KCNQ3: variants seen among roughly 807,000 people sequenced by gnomAD.
KCNQ3 encodes the protein potassium voltage-gated channel subfamily Q member 3.
A neutral mutation model predicts 92.5 loss-of-function variants in KCNQ3; 30 were observed. That is an observed-to-expected ratio of 0.32 (90% CI 0.24 to 0.44). KCNQ3 has a LOEUF of 0.44. KCNQ3 is among the 20% of genes least tolerant of loss of function. The pLI is 1.00. For missense variants in KCNQ3, 913 were observed against 1,140.3 expected, an observed-to-expected ratio of 0.80 and a Z score of 2.87; for synonymous variants, 450 against 468.8, an observed-to-expected ratio of 0.96 and a Z score of 0.52.
At chr8:132,444,503 G>A (rs897758365) in intron 1 of KCNQ3, among the ~76,000 whole-genome samples, 1 of 152,218 alleles carries the variant, frequency 6.6e-6, no homozygotes, top group Non-Finnish European at 1.5e-5. Flanking sequence ...TTGCAGCCCA[G>A]CAGCTGGGAC....
chr8:132,189,411 T>C (rs1193378967), intron 1 of KCNQ3, among the ~76,000 whole-genome samples: 5 of 152,230 alleles, frequency 3.3e-5, no homozygotes, highest in Non-Finnish European at 5.9e-5. Context: ...TCCCAACACC[T>C]GACAATAGGA....
chr8:132,298,170 A>T (rs1482420906), intron 1 of KCNQ3, among the ~76,000 whole-genome samples: 1 of 152,184 alleles, frequency 6.6e-6, no homozygotes. Flanking sequence ...CAACCATCCC[A>T]GTTTGCCTGG....
intron 1 of KCNQ3, among the ~76,000 whole-genome samples, chr8:132,299,836 G>A (rs1262118097): frequency 6.6e-6 from 1 of 152,124 alleles, no homozygotes; most frequent in Non-Finnish European, 1.5e-5. Flanking sequence ...TTTAAATTCT[G>A]TTTATAAGGT....
At chr8:132,204,134 G>C (rs1813570935) in intron 1 of KCNQ3, among the ~76,000 whole-genome samples, 1 of 152,194 alleles carries the variant, frequency 6.6e-6, no homozygotes, top group Admixed American at 6.5e-5. Flanking sequence ...GTGCATCTTA[G>C]AACTGATGAA....
At chr8:132,331,955 T>C (rs1448609549) in intron 1 of KCNQ3, among the ~76,000 whole-genome samples, 2 of 152,188 alleles carry the variant, frequency 1.3e-5, no homozygotes. Flanking sequence ...GTCTCTAAGA[T>C]GCTCTGATCA....
At chr8:132,304,416 T>G (rs547010811) in intron 1 of KCNQ3, among the ~76,000 whole-genome samples, 1 of 152,288 alleles carries the variant, frequency 6.6e-6, no homozygotes, top group South Asian at 2.1e-4. Flanking sequence ...TAATAACCAT[T>G]GTAATTGGTG....
At chr8:132,469,925 C>T (rs1190413463) in intron 1 of KCNQ3, among the ~76,000 whole-genome samples, 2 of 151,862 alleles carry the variant, frequency 1.3e-5, no homozygotes, top group Non-Finnish European at 2.9e-5. Context: ...GTAGTACCTT[C>T]GTCTCATCCC....
intron 9 of KCNQ3, among the ~76,000 whole-genome samples, chr8:132,150,225 T>C (rs1825594026): frequency 6.6e-6 from 1 of 152,220 alleles, no homozygotes; most frequent in African/African-American, 2.4e-5. Flanking sequence ...TCTTTCTGTA[T>C]GGCTGGTAGC....
At chr8:132,294,226 C>T (rs1254515977) in intron 1 of KCNQ3, among the ~76,000 whole-genome samples, 2 of 152,152 alleles carry the variant, frequency 1.3e-5, no homozygotes, top group African/African-American at 4.8e-5. Context: ...TGGTCTCCAT[C>T]TCCTGACCTC....
At chr8:132,324,550 A>G (rs1292601239) in intron 1 of KCNQ3, among the ~76,000 whole-genome samples, 1 of 152,208 alleles carries the variant, frequency 6.6e-6, no homozygotes, top group Non-Finnish European at 1.5e-5. Flanking sequence ...GAACCAGAAG[A>G]AAAGGGGAGT....
chr8:132,209,854 T>A (rs913571201), intron 1 of KCNQ3, among the ~76,000 whole-genome samples: 6 of 152,286 alleles, frequency 3.9e-5, no homozygotes, highest in Non-Finnish European at 8.8e-5. Flanking sequence ...AAATTTATGA[T>A]GGTTTTACTG....
At chr8:132,277,214 CAA>C (rs998994152) in intron 1 of KCNQ3, among the ~76,000 whole-genome samples, 2 of 152,000 alleles carry the variant, frequency 1.3e-5, no homozygotes, top group Non-Finnish European at 2.9e-5. Flanking sequence ...TAAAACAAAA[CAA>C]AACAAAAACT....
intron 1 of KCNQ3, among the ~76,000 whole-genome samples, chr8:132,259,821 A>C (rs1263896789): frequency 6.6e-6 from 1 of 152,194 alleles, no homozygotes; most frequent in Non-Finnish European, 1.5e-5. Context: ...ATACAAGGTC[A>C]ATATTCAAAA....
chr8:132,328,249 C>G (rs979854712), intron 1 of KCNQ3, among the ~76,000 whole-genome samples: 2 of 152,148 alleles, frequency 1.3e-5, no homozygotes, highest in African/African-American at 4.8e-5. Context: ...CCCTACACAC[C>G]TCACCCCACT....
intron 1 of KCNQ3, among the ~76,000 whole-genome samples, chr8:132,243,484 G>A (rs1268386212): frequency 6.6e-6 from 1 of 152,244 alleles, no homozygotes; most frequent in Admixed American, 6.5e-5. Context: ...AGCATATGTA[G>A]GGCCCAGAGG....
chr8:132,402,188 A>T (rs1309775585), intron 1 of KCNQ3, among the ~76,000 whole-genome samples: 1 of 152,156 alleles, frequency 6.6e-6, no homozygotes. Context: ...GGGCCACAGC[A>T]CTTCCATCTT....
chr8:132,278,311 A>C (rs1816404083), intron 1 of KCNQ3: 1 of 557,162 alleles, frequency 1.8e-6, no homozygotes, highest in Non-Finnish European at 2.3e-6. Flanking sequence ...AAAGGAAAAA[A>C]AAAGAAGAAA....
intron 1 of KCNQ3, among the ~76,000 whole-genome samples, chr8:132,371,706 T>C (rs188266720): frequency 2.6e-5 from 4 of 152,240 alleles, no homozygotes; most frequent in Admixed American, 2.6e-4. Flanking sequence ...AACACCACTC[T>C]CCACGAAGAA....
intron 1 of KCNQ3, among the ~76,000 whole-genome samples, chr8:132,471,292 G>A (rs1228640408): frequency 6.6e-6 from 1 of 152,120 alleles, no homozygotes; most frequent in East Asian, 1.9e-4. Flanking sequence ...ATTCAGGTGT[G>A]ACCCCAGCTG....
Sources: allele counts gnomAD v4.1 joint callset (sites outside exome capture counted in the v4.1 genomes callset), GRCh38; gene constraint gnomAD v4.1.1; transcripts MANE v1.5; gene names NCBI Gene and HGNC (gene_info 2026-07-23, HGNC 2026-07-21).